JAKMIP1: variants seen among roughly 807,000 people sequenced by gnomAD.
JAKMIP1 encodes the protein janus kinase and microtubule interacting protein 1.
A neutral mutation model predicts 113.0 loss-of-function variants in JAKMIP1; 33 were observed. The observed-to-expected ratio is 0.29, with a 90% CI of 0.22 to 0.39. The LOEUF is 0.39. Ranked by LOEUF, JAKMIP1 falls within the 10% of genes least tolerant of loss-of-function variation. The pLI, the probability that JAKMIP1 is intolerant of heterozygous loss-of-function variation, is 1.00. For synonymous variants in JAKMIP1, 480 were observed against 459.9 expected (o/e 1.04, Z -0.56); for missense variants, 813 against 1,080.5 (o/e 0.75, Z 3.47).
In JAKMIP1 at chr4:6,189,318, G is replaced by A. The variant is rs115533057; in HGVS notation, c.-148+10935C>T. Among the ~76,000 whole-genome samples, 1,271 of 152,306 alleles carry A rather than the reference G, an allele frequency of 8.3e-3. 13 individuals carry two copies. Among genetic ancestry groups the A allele is most frequent in the Non-Finnish European group, 0.012 (844 of 68,024 alleles). On this transcript the variant is annotated intron_variant, in intron 1 of 20. Coordinates refer to ENST00000409021, the MANE Select transcript of JAKMIP1 (RefSeq NM_001099433.2). ...AAACTTTGAGTTTTACAGAACCTTCGCAAATCTCATCTCTGGACTGATACA... is the reference window on the plus strand; with the variant it reads ...AAACTTTGAGTTTTACAGAACCTTCACAAATCTCATCTCTGGACTGATACA...
Position 6,150,888 on chromosome 4 carries a change from G to A in JAKMIP1, c.-147-37891C>T, listed in dbSNP as rs1721491446. ...GAAGACACCCAGTGCAACACCTGAA[G>A]CAGTCAGCGTTGAGTGTGCCCAGGT... is the stretch of plus-strand genomic sequence containing the variant. On this transcript the variant is annotated intron_variant, in intron 1 of 20. Transcript: ENST00000409021. This position sits in a 1 kb window ranked among gnomAD's most constrained non-coding sequence, Gnocchi z 4.8. Among the ~76,000 whole-genome samples, 1 of 152,160 alleles carries A rather than the reference G, an allele frequency of 6.6e-6. No homozygotes were observed. Among genetic ancestry groups the A allele is most frequent in the South Asian group, 2.1e-4 (1 of 4,816 alleles).
intron 8 of JAKMIP1, among the ~76,000 whole-genome samples, chr4:6,071,339 C>T (rs549094349): frequency 1.6e-4 from 25 of 152,256 alleles, no homozygotes; most frequent in African/African-American, 5.5e-4. Context: ...CCAGGCAGTG[C>T]AGACTTGAGA....
intron 19 of JAKMIP1, among the ~76,000 whole-genome samples, chr4:6,030,763 G>A (rs777709152): frequency 1.2e-4 from 19 of 152,252 alleles, no homozygotes; most frequent in Non-Finnish European, 7.3e-5. Flanking sequence ...CAGGCCCAGA[G>A]AAGCCATCTC....
Position 6,086,777 on chromosome 4 carries a change from G to T in JAKMIP1, c.625-1148C>A, listed in dbSNP as rs1030917056. Among the ~76,000 whole-genome samples the T allele has an allele frequency of 6.6e-6, 1 of 152,168 alleles. No individual in the cohort carries two copies. Among genetic ancestry groups the T allele is most frequent in the East Asian group, 1.9e-4 (1 of 5,140 alleles). Reference sequence around the variant, plus strand: ...TTAAGATGAGGTCATCCTGGAGCAGGGTGGGCCCTTATGACTGGTGTCCTT... The same window carrying T: ...TTAAGATGAGGTCATCCTGGAGCAGTGTGGGCCCTTATGACTGGTGTCCTT... On this transcript the variant is annotated intron_variant, in intron 3 of 20. Coordinates refer to ENST00000409021, the MANE Select transcript of JAKMIP1 (RefSeq NM_001099433.2). This position sits in a 1 kb window ranked among gnomAD's most constrained non-coding sequence, Gnocchi z 4.1.
chr4:6,036,650 G>A (rs1713483536), intron 18 of JAKMIP1, among the ~76,000 whole-genome samples: 1 of 152,210 alleles, frequency 6.6e-6, no homozygotes, highest in Non-Finnish European at 1.5e-5. Flanking sequence ...GCTGAATGAG[G>A]CATTAGTGAC....
rs778768985 is a variant in JAKMIP1 at position 6,094,830 on chromosome 4, C to A, written c.625-9201G>T. On this transcript the variant is annotated intron_variant, in intron 3 of 20. Coordinates refer to ENST00000409021, the MANE Select transcript of JAKMIP1 (RefSeq NM_001099433.2). The surrounding 1 kb of genome is among the most constrained non-coding windows in gnomAD (Gnocchi z 4.2). ...GCAACATGGAGAAACCTTGTCTCTG[C>A]AAAAAATACAAAAAAATTAGCTGGG... 6.6e-6 allele frequency among the ~76,000 whole-genome samples: 1 copy of A among 151,800 alleles called. No homozygotes were observed. The highest frequency in any genetic ancestry group is 1.9e-4 in the East Asian group (1 of 5,170).
At chr4:6,124,213 C>T (rs1054660587) in intron 1 of JAKMIP1, among the ~76,000 whole-genome samples, 1 of 152,212 alleles carries the variant, frequency 6.6e-6, no homozygotes, top group South Asian at 2.1e-4. Context: ...GGGCTGGCGA[C>T]CATTGCTAAT....
At chr4:6,191,879 GT>G (rs1236233921) in intron 1 of JAKMIP1, among the ~76,000 whole-genome samples, 1 of 147,126 alleles carries the variant, frequency 6.8e-6, no homozygotes, top group Non-Finnish European at 1.5e-5. Context: ...TTTACATTCC[GT>G]TTTTTTCATA....
Position 6,143,153 on chromosome 4 carries a change from CCT to C in JAKMIP1, c.-147-30158_-147-30157del, listed in dbSNP as rs1453106782. 1.3e-5 allele frequency among the ~76,000 whole-genome samples: 2 copies of C among 152,216 alleles called. No individual in the cohort carries two copies. The highest frequency in any genetic ancestry group is 2.9e-5 in the Non-Finnish European group (2 of 68,034). On this transcript the variant is annotated intron_variant, in intron 1 of 20. Coordinates refer to ENST00000409021, the MANE Select transcript of JAKMIP1 (RefSeq NM_001099433.2). The surrounding 1 kb of genome is among the most constrained non-coding windows in gnomAD (Gnocchi z 4.9). ...TAAGCAGAAAGCAGCACAGCTCTCC[CCT>C]GTGAGTACGAGCTAAGTTAACCCAC... is the stretch of plus-strand genomic sequence containing the variant.
At chr4:6,072,405 C>T (rs891350550) in intron 8 of JAKMIP1, among the ~76,000 whole-genome samples, 3 of 152,192 alleles carry the variant, frequency 2.0e-5, no homozygotes, top group African/African-American at 7.2e-5. Context: ...GGGACAAAGT[C>T]CTGCTGCCCA....
At chr4:6,191,287 G>A (rs1293470461) in intron 1 of JAKMIP1, among the ~76,000 whole-genome samples, 1 of 152,048 alleles carries the variant, frequency 6.6e-6, no homozygotes, top group Non-Finnish European at 1.5e-5. Context: ...AGGGCTCACA[G>A]CCAGAGACAC....
chr4:6,098,544 GAAAAAGAAAGAA>G (rs1712250713), intron 3 of JAKMIP1, among the ~76,000 whole-genome samples: 1 of 51,676 alleles, frequency 1.9e-5, no homozygotes, highest in African/African-American at 8.6e-5. Context: ...GAGAGAGAAA[GAAAAAGAAAGAA>G]AGAAAGAAAG....
intron 1 of JAKMIP1, among the ~76,000 whole-genome samples, chr4:6,195,663 G>A (rs1320999281): frequency 6.6e-6 from 1 of 152,144 alleles, no homozygotes; most frequent in African/African-American, 2.4e-5. Flanking sequence ...TATAATCCCT[G>A]GCGAGCTTCA....
At position 6,068,468 on chromosome 4, in the gene JAKMIP1, C is replaced by T. The variant is rs142924189; in HGVS notation, c.1303-3460G>A. On this transcript the variant is annotated intron_variant, in intron 8 of 20. Transcript: ENST00000409021. ...ATGCAGAGGAATCCACAGCCAGGCA[C>T]GGCACACACAGAGTTCCCATAGCAG... Among the ~76,000 whole-genome samples the T allele has an allele frequency of 6.0e-3, 908 of 152,138 alleles. 7 individuals are homozygous for T. The highest frequency in any genetic ancestry group is 0.019 in the African/African-American group (781 of 41,520).
At chr4:6,165,626 G>A (rs182005715) in intron 1 of JAKMIP1, among the ~76,000 whole-genome samples, 1 of 152,312 alleles carries the variant, frequency 6.6e-6, no homozygotes, top group African/African-American at 2.4e-5. Context: ...ATTAAGGTAT[G>A]TACATTGTTG....
chr4:6,050,691 A>G lies in JAKMIP1; in HGVS notation c.1807-12T>C. 1 of 1,545,270 alleles carries G rather than the reference A, an allele frequency of 6.5e-7. No homozygotes were observed. Among genetic ancestry groups the G allele is most frequent in the Non-Finnish European group, 8.8e-7 (1 of 1,140,662 alleles). ...CTCCTCTCTCTCTCCTGGGGAAAAG[A>G]TTCGGTTTAAAAACAGAATGTGACC... is the stretch of plus-strand genomic sequence containing the variant. On this transcript the variant is annotated splice_polypyrimidine_tract_variant and intron_variant, in intron 13 of 20. Transcript: ENST00000409021. This position sits in a 1 kb window ranked among gnomAD's most constrained non-coding sequence, Gnocchi z 7.4.
At position 6,050,233 on chromosome 4, in the gene JAKMIP1, T is replaced by TG. The variant is rs1715485651; in HGVS notation, c.1908+344dup. 6.6e-6 allele frequency among the ~76,000 whole-genome samples: 1 copy of TG among 152,188 alleles called. No individual in the cohort carries two copies. Among genetic ancestry groups the TG allele is most frequent in the Non-Finnish European group, 1.5e-5 (1 of 68,030 alleles). ...CATGCCAGGCAGAGGGCCAGGCACTTGGAGTCTGTTCATGATGTGTCATCA... is the reference window on the plus strand; with the variant it reads ...CATGCCAGGCAGAGGGCCAGGCACTTGGGAGTCTGTTCATGATGTGTCATCA... On this transcript the variant is annotated intron_variant, in intron 14 of 20. Coordinates refer to ENST00000409021, the MANE Select transcript of JAKMIP1 (RefSeq NM_001099433.2). The surrounding 1 kb of genome is among the most constrained non-coding windows in gnomAD (Gnocchi z 7.4).
Position 6,197,450 on chromosome 4 carries a change from C to T in JAKMIP1, c.-148+2803G>A, listed in dbSNP as rs1426882166. Among the ~76,000 whole-genome samples the T allele has an allele frequency of 6.6e-6, 1 of 152,226 alleles. No homozygotes were observed. The highest frequency in any genetic ancestry group is 1.5e-5 in the Non-Finnish European group (1 of 68,034). Reference sequence around the variant, plus strand: ...CGGCTACCTTTGCTCAGAGACCACACCTCTGATCCCCACACCAACCTAGCC... The same window carrying T: ...CGGCTACCTTTGCTCAGAGACCACATCTCTGATCCCCACACCAACCTAGCC... On this transcript the variant is annotated intron_variant, in intron 1 of 20. Coordinates refer to ENST00000409021, the MANE Select transcript of JAKMIP1 (RefSeq NM_001099433.2). This position sits in a 1 kb window ranked among gnomAD's most constrained non-coding sequence, Gnocchi z 6.5.
rs777832122 is a variant in JAKMIP1 at position 6,112,953 on chromosome 4, C to T, written c.-103G>A. On this transcript the variant is annotated 5_prime_UTR_variant, in exon 2 of 21. Transcript: ENST00000409021. ...AGCTCCACCGTGCTAACCAGTCGCGCAGGACTCAGCTCGCCCTCCGAGGAA... is the reference window on the plus strand; with the variant it reads ...AGCTCCACCGTGCTAACCAGTCGCGTAGGACTCAGCTCGCCCTCCGAGGAA... 7.5e-6 allele frequency: 11 copies of T among 1,459,586 alleles called. No individual in the cohort carries two copies. The highest frequency in any genetic ancestry group is 1.0e-5 in the Non-Finnish European group (11 of 1,099,184). 90.4% of individuals were successfully genotyped at this position (1,459,586 alleles called of 1,614,324 possible). A position where few individuals can be genotyped will look rare whatever the true frequency, so the allele number is the denominator to read the frequency against.
Sources: gnomAD v4.1 joint callset for allele counts (sites outside exome capture counted in the v4.1 genomes callset) on GRCh38, gnomAD v4.1.1 for gene constraint, Gnocchi (gnomAD v3.1) non-coding constraint, MANE v1.5 for transcripts, NCBI Gene and HGNC (gene_info 2026-07-23, HGNC 2026-07-21) for gene names.